RGL1: variants seen among roughly 807,000 people sequenced by gnomAD.
RGL1 encodes ral guanine nucleotide dissociation stimulator like 1.
In RGL1, 24 loss-of-function variants were observed where a neutral mutation model predicts 95.2. That is an observed-to-expected ratio of 0.25 (90% CI 0.18 to 0.35). RGL1 has a LOEUF of 0.35. RGL1 is among the 10% of genes least tolerant of loss of function. The probability of loss-of-function intolerance (pLI) is 1.00; values close to 1 mark genes in which losing one functional copy is unlikely to be tolerated. For synonymous variants in RGL1, 329 were observed against 344.9 expected (o/e 0.95, Z 0.51); for missense variants, 715 against 936.3 (o/e 0.76, Z 3.08).
At chr1:183,658,330 C>T (rs1425137158) in intron 1 of RGL1, among the ~76,000 whole-genome samples, 2 of 152,184 alleles carry the variant, frequency 1.3e-5, no homozygotes. Flanking sequence ...CAGAGGGCAC[C>T]TGGAAAATCA....
At chr1:183,723,945 GT>G (rs143571435) in intron 1 of RGL1, among the ~76,000 whole-genome samples, 1,880 of 152,188 alleles carry the variant, frequency 0.012, 47 homozygotes, top group African/African-American at 0.044. Flanking sequence ...AGAGGACTTT[GT>G]CTTGCAACTT....
At chr1:183,838,577 C>A (rs780520815) in intron 2 of RGL1, among the ~76,000 whole-genome samples, 9 of 152,210 alleles carry the variant, frequency 5.9e-5, no homozygotes, top group Non-Finnish European at 1.2e-4. Context: ...TTGTCATACA[C>A]ATGCCCTTCT....
At chr1:183,679,054 G>C (rs1572264752) in intron 1 of RGL1, among the ~76,000 whole-genome samples, 2 of 152,240 alleles carry the variant, frequency 1.3e-5, no homozygotes, top group East Asian at 3.9e-4. Context: ...GGGAGGAAAG[G>C]CTAAGCCCAT....
In RGL1 at chr1:183,765,725, C is replaced by T. The variant is rs186027463; in HGVS notation, c.132+23436C>T. ...TTTTCATGAACTCTCCCAAGGAAGC[C>T]CTGGGTTGTAGCTGATTATAAGCTG... is the stretch of plus-strand genomic sequence containing the variant. On this transcript the variant is annotated intron_variant, in intron 2 of 18. Transcript: ENST00000304685. 3.4e-4 allele frequency among the ~76,000 whole-genome samples: 51 copies of T among 152,220 alleles called. No homozygotes were observed. In the East Asian group the frequency reaches 9.1e-3, roughly 27 times the overall value.
chr1:183,648,675 C>T (rs753388975), intron 1 of RGL1: 17 of 1,614,118 alleles, frequency 1.1e-5, no homozygotes, highest in South Asian at 9.9e-5. Context: ...TTCACCTGTT[C>T]GAATATGGTA....
chr1:183,876,506 C>T (rs1666506547), intron 4 of RGL1, among the ~76,000 whole-genome samples: 1 of 152,204 alleles, frequency 6.6e-6, no homozygotes. Context: ...CTGTGAGCCA[C>T]CAAAGATTAC....
intron 1 of RGL1, among the ~76,000 whole-genome samples, chr1:183,655,821 A>G (rs918191578): frequency 2.6e-5 from 4 of 152,232 alleles, no homozygotes; most frequent in Non-Finnish European, 5.9e-5. Context: ...AATGACTCCT[A>G]AAACTTAAGC....
intron 14 of RGL1, among the ~76,000 whole-genome samples, chr1:183,909,929 G>A (rs970625552): frequency 6.6e-6 from 1 of 151,982 alleles, no homozygotes; most frequent in Admixed American, 6.6e-5. Context: ...TATATTAGAC[G>A]GGTATAGAAT....
intron 3 of RGL1, among the ~76,000 whole-genome samples, chr1:183,862,113 G>A (rs1445762067): frequency 3.3e-5 from 5 of 152,074 alleles, no homozygotes; most frequent in Admixed American, 2.6e-4. Context: ...GGGCTAAGAC[G>A]GGAGGATCAC....
At chr1:183,776,211 C>T (rs554267935) in intron 2 of RGL1, among the ~76,000 whole-genome samples, 5 of 142,154 alleles carry the variant, frequency 3.5e-5, no homozygotes, top group Admixed American at 7.4e-5. Context: ...TGCAGTGGCG[C>T]GATCTCGGCT....
chr1:183,801,753 T>A (rs1267045909), upstream of RGL1, among the ~76,000 whole-genome samples: 1 of 152,190 alleles, frequency 6.6e-6, no homozygotes, highest in African/African-American at 2.4e-5. Flanking sequence ...CAAGCCACTT[T>A]AGTTCATGGC....
At chr1:183,659,818 T>C (rs1217992590) in intron 1 of RGL1, among the ~76,000 whole-genome samples, 1 of 151,452 alleles carries the variant, frequency 6.6e-6, no homozygotes, top group Non-Finnish European at 1.5e-5. Flanking sequence ...AAAGGTCGGG[T>C]TACCCACAAA....
intron 1 of RGL1, chr1:183,648,501 G>A (rs1650480722): frequency 6.2e-7 from 1 of 1,614,188 alleles, no homozygotes; most frequent in African/African-American, 1.3e-5. Flanking sequence ...CATTGATTCT[G>A]GATGGATATA....
chr1:183,705,068 A>G (rs1654822467), intron 1 of RGL1, among the ~76,000 whole-genome samples: 1 of 152,142 alleles, frequency 6.6e-6, no homozygotes, highest in Admixed American at 6.5e-5. Context: ...AGCCTTCTGG[A>G]GTAGACGGAA....
At chr1:183,805,104 T>TCGCC, upstream of RGL1, 1 of 561,044 alleles carries the variant, frequency 1.8e-6, no homozygotes, top group Middle Eastern at 5.5e-4. Context: ...GCTCGCTCGC[T>TCGCC]CGCCGCGCTC....
In RGL1 at chr1:183,884,805, C is replaced by G. The variant is rs1371382707; in HGVS notation, c.818C>G (p.Ala273Gly). 1 of 1,614,006 alleles carries G rather than the reference C, an allele frequency of 6.2e-7. No homozygotes were observed. The highest frequency in any genetic ancestry group is 8.5e-7 in the Non-Finnish European group (1 of 1,179,998). Residue 273 changes from alanine (A) to glycine (G), a missense_variant, in exon 7 of 18, where the codon GCT becomes GGT. Physicochemically the swap from Ala to Gly is moderately conservative, Grantham distance 60. Transcript: ENST00000360851. ...RRDKKENKHL[A>G]PTIRATISQF... ...GATAAGAAGGAAAACAAACATTTGG[C>G]TCCTACGATCCGTGCCACCATCTCT...
At chr1:183,722,999 T>C (rs1656099210) in intron 1 of RGL1, among the ~76,000 whole-genome samples, 1 of 152,142 alleles carries the variant, frequency 6.6e-6, no homozygotes, top group African/African-American at 2.4e-5. Context: ...ATTGGGGGAA[T>C]TCATGACATG....
intron 1 of RGL1, among the ~76,000 whole-genome samples, chr1:183,706,544 G>C (rs528249307): frequency 6.6e-6 from 1 of 152,294 alleles, no homozygotes; most frequent in Non-Finnish European, 1.5e-5. Context: ...CAGTCCTTGT[G>C]GGGGCTGCTC....
At chr1:183,711,940 G>A (rs1313650293) in intron 1 of RGL1, among the ~76,000 whole-genome samples, 2 of 152,176 alleles carry the variant, frequency 1.3e-5, no homozygotes, top group Non-Finnish European at 2.9e-5. Context: ...TCTTGAGTAA[G>A]CCTCTCAGTT....
Sources: gnomAD v4.1 joint callset for allele counts (sites outside exome capture counted in the v4.1 genomes callset) on GRCh38, gnomAD v4.1.1 for gene constraint, MANE v1.5 for transcripts, NCBI Gene and HGNC (gene_info 2026-07-23, HGNC 2026-07-21) for gene names.